Variants in NR5A2 observed in about 807,000 individuals in gnomAD.
NR5A2 encodes CYP7A promoter-binding factor.
NR5A2 carries 26 observed loss-of-function variants against 62.7 expected under a neutral mutation model. The ratio of observed to expected loss-of-function variants is 0.41; its 90% CI spans 0.30 to 0.58. NR5A2 has a LOEUF of 0.58. NR5A2 is among the 20% of genes least tolerant of loss of function. The pLI, the probability that NR5A2 is intolerant of heterozygous loss-of-function variation, is 0.22. For missense variants in NR5A2, 541 were observed against 669.1 expected, an observed-to-expected ratio of 0.81 and a Z score of 2.11; for synonymous variants, 246 against 241.7, an observed-to-expected ratio of 1.02 and a Z score of -0.16.
intron 1 of NR5A2, among the ~76,000 whole-genome samples, chr1:200,031,375 G>A (rs2102132096): frequency 6.6e-6 from 1 of 152,054 alleles, no homozygotes. Context: ...GCTGGGTGTG[G>A]GTGTGGTGGC....
At chr1:200,042,275 G>A (rs574560364) in intron 2 of NR5A2, among the ~76,000 whole-genome samples, 83 of 152,314 alleles carry the variant, frequency 5.4e-4, no homozygotes, top group Non-Finnish European at 8.4e-4. Flanking sequence ...CTGTGGCCCG[G>A]GAAGAGACGC....
In NR5A2 at chr1:200,039,900, G is replaced by A. The variant is rs1324671318; in HGVS notation, c.202+105G>A. 3 of 1,334,366 alleles carry A rather than the reference G, an allele frequency of 2.2e-6. No individual in the cohort carries two copies. Among genetic ancestry groups the A allele is most frequent in the Non-Finnish European group, 2.9e-6 (3 of 1,017,352 alleles). The allele number at this position is 1,334,366 out of a possible 1,614,324, so 82.7% of individuals were successfully genotyped here. A position where few individuals can be genotyped will look rare whatever the true frequency, so the allele number is the denominator to read the frequency against. On this transcript the variant is annotated intron_variant, in intron 2 of 7. Coordinates refer to ENST00000367362, the MANE Select transcript of NR5A2 (RefSeq NM_205860.3). The surrounding 1 kb of genome is among the most constrained non-coding windows in gnomAD (Gnocchi z 5.1). ...CCCGCGCGGGCGCGGGAGTAGCCCC[G>A]CTGGGCGCTCGCAGCCGCGGGAGTC...
chr1:200,075,606 G>A (rs1663988443), intron 5 of NR5A2, among the ~76,000 whole-genome samples: 1 of 152,244 alleles, frequency 6.6e-6, no homozygotes. Flanking sequence ...GCACTTGAAG[G>A]GTTCTTGAAA....
At position 200,073,235 on chromosome 1, in the gene NR5A2, C is replaced by CATATAT. The variant is rs3033980; in HGVS notation, c.1110+24438_1110+24443dup. Among the ~76,000 whole-genome samples the CATATAT allele has an allele frequency of 1.6e-3, 174 of 105,916 alleles. 4 individuals carry two copies. The highest frequency in any genetic ancestry group is 5.2e-3 in the Middle Eastern group (1 of 194). 69.5% of individuals were successfully genotyped at this position (105,916 alleles called of 152,430 possible). ...TGACTTTGGTCAAAGCATTTACATA[C>CATATAT]ATATATATATATATATATATATATA... On this transcript the variant is annotated intron_variant, in intron 5 of 7. Coordinates refer to ENST00000367362, the MANE Select transcript of NR5A2 (RefSeq NM_205860.3).
chr1:200,143,481 G>A (rs544673420), intron 7 of NR5A2, among the ~76,000 whole-genome samples: 1 of 151,370 alleles, frequency 6.6e-6, no homozygotes, highest in East Asian at 1.9e-4. Flanking sequence ...CAAAAGGAGT[G>A]GAAGTTTGGA....
At chr1:200,171,647 G>T (rs1211346323) in intron 7 of NR5A2, among the ~76,000 whole-genome samples, 2 of 152,150 alleles carry the variant, frequency 1.3e-5, no homozygotes, top group Non-Finnish European at 2.9e-5. Context: ...TACTCAGGTG[G>T]CTGAGGCAGG....
At chr1:200,097,759 G>A (rs1665167308) in intron 5 of NR5A2, among the ~76,000 whole-genome samples, 1 of 152,212 alleles carries the variant, frequency 6.6e-6, no homozygotes. Flanking sequence ...AAGGGAGTGT[G>A]TAGGCGGTGT....
intron 5 of NR5A2, among the ~76,000 whole-genome samples, chr1:200,071,365 G>A (rs1048572098): frequency 1.3e-5 from 2 of 152,192 alleles, no homozygotes; most frequent in Non-Finnish European, 2.9e-5. Flanking sequence ...CAGCTGTAAT[G>A]TTTCACAATG....
intron 7 of NR5A2, among the ~76,000 whole-genome samples, chr1:200,144,233 T>TCTCACACACACACACACACA (rs1446217306): frequency 1.2e-5 from 1 of 80,028 alleles, no homozygotes; most frequent in African/African-American, 4.2e-5. Flanking sequence ...TCTCTCTCTC[T>TCTCACACACACACACACACA]CACACACACA....
chr1:200,137,204 G>A (rs935799882), intron 7 of NR5A2, among the ~76,000 whole-genome samples: 2 of 151,904 alleles, frequency 1.3e-5, no homozygotes, highest in Admixed American at 6.6e-5. Flanking sequence ...AGGCTGGAGT[G>A]TAGTAGCACA....
chr1:200,035,375 C>T (rs1045821083), intron 1 of NR5A2, among the ~76,000 whole-genome samples: 2 of 152,006 alleles, frequency 1.3e-5, no homozygotes, highest in African/African-American at 4.8e-5. Flanking sequence ...TCTGCCACAC[C>T]TTTTGCGAGC....
intron 5 of NR5A2, among the ~76,000 whole-genome samples, chr1:200,059,529 A>G (rs909095113): frequency 4.6e-5 from 7 of 152,182 alleles, no homozygotes; most frequent in African/African-American, 7.2e-5. Flanking sequence ...AAAGGCTGCC[A>G]GTGTTACTTC....
At chr1:200,121,794 A>T (rs1448686623) in intron 7 of NR5A2, among the ~76,000 whole-genome samples, 1 of 152,232 alleles carries the variant, frequency 6.6e-6, no homozygotes, top group Non-Finnish European at 1.5e-5. Context: ...CAGAAATCAG[A>T]TTCACCAACA....
intron 7 of NR5A2, among the ~76,000 whole-genome samples, chr1:200,170,337 T>C (rs1194929265): frequency 2.0e-5 from 3 of 152,222 alleles, no homozygotes; most frequent in African/African-American, 4.8e-5. Flanking sequence ...CCCCAAGTTC[T>C]GAGAATTTAA....
chr1:200,145,466 A>C (rs1667652116), intron 7 of NR5A2, among the ~76,000 whole-genome samples: 2 of 109,052 alleles, frequency 1.8e-5, no homozygotes, highest in Non-Finnish European at 3.7e-5. Context: ...CATTGATAGA[A>C]TTTGTGTGTG....
chr1:200,039,541 G>C lies in NR5A2; in HGVS notation c.65-117G>C. The C allele has an allele frequency of 6.8e-7, 1 of 1,476,178 alleles. No homozygotes were observed. The highest frequency in any genetic ancestry group is 9.3e-7 in the Non-Finnish European group (1 of 1,077,754). The allele number at this position is 1,476,178 out of a possible 1,614,324, so 91.4% of individuals were successfully genotyped here. On this transcript the variant is annotated intron_variant, in intron 1 of 7. Coordinates refer to ENST00000367362, the MANE Select transcript of NR5A2 (RefSeq NM_205860.3). The surrounding 1 kb of genome is among the most constrained non-coding windows in gnomAD (Gnocchi z 5.1). ...CGGACAGGGCTCAGAGGTCCTGCCC[G>C]GCAGCCCCGAGGAGGCGGAGGCACG...
intron 5 of NR5A2, among the ~76,000 whole-genome samples, chr1:200,110,415 T>G (rs1417397082): frequency 6.6e-6 from 1 of 152,210 alleles, no homozygotes; most frequent in Non-Finnish European, 1.5e-5. Flanking sequence ...CATTGAAGAA[T>G]GCAGTTCCCT....
At chr1:200,075,688 T>C (rs949133853) in intron 5 of NR5A2, among the ~76,000 whole-genome samples, 12 of 152,224 alleles carry the variant, frequency 7.9e-5, no homozygotes, top group African/African-American at 2.7e-4. Flanking sequence ...CTGTGTCTTG[T>C]CGCCACCTCT....
At chr1:200,052,697 A>T (rs1469903171) in intron 5 of NR5A2, among the ~76,000 whole-genome samples, 1 of 151,356 alleles carries the variant, frequency 6.6e-6, no homozygotes, top group East Asian at 1.9e-4. Flanking sequence ...GTTGGAGTGC[A>T]GTGGTGCGAT....
Sources: allele counts gnomAD v4.1 joint callset (sites outside exome capture counted in the v4.1 genomes callset), GRCh38; gene constraint gnomAD v4.1.1; non-coding constraint Gnocchi (gnomAD v3.1); transcripts MANE v1.5; gene names NCBI Gene and HGNC (gene_info 2026-07-23, HGNC 2026-07-21).